The following HPSE2 variants were observed in gnomAD, a reference collection of about 807,000 sequenced individuals.
The protein encoded by HPSE2 is inactive heparanase-2.
A neutral mutation model predicts 60.5 loss-of-function variants in HPSE2; 38 were observed. The observed-to-expected ratio is 0.63, with a 90% CI of 0.48 to 0.82. The LOEUF is 0.82. Ranked by LOEUF, HPSE2 falls within the 40% of genes least tolerant of loss-of-function variation. The probability of loss-of-function intolerance (pLI) is 0.00; values close to 1 mark genes in which losing one functional copy is unlikely to be tolerated. For missense variants in HPSE2, 713 were observed against 740.4 expected, an observed-to-expected ratio of 0.96 and a Z score of 0.43; for synonymous variants, 295 against 293.2, an observed-to-expected ratio of 1.01 and a Z score of -0.06.
intron 3 of HPSE2, among the ~76,000 whole-genome samples, chr10:99,125,425 G>A (rs1845124836): frequency 6.6e-6 from 1 of 152,156 alleles, no homozygotes; most frequent in Middle Eastern, 3.2e-3. Flanking sequence ...TATAATATTA[G>A]GAAGCTGAGA....
At chr10:98,810,000 AT>A (rs1951132349) in intron 3 of HPSE2, among the ~76,000 whole-genome samples, 1 of 152,060 alleles carries the variant, frequency 6.6e-6, no homozygotes, top group Non-Finnish European at 1.5e-5. Flanking sequence ...CAAATTCATA[AT>A]TTTTTGTAAA....
intron 7 of HPSE2, among the ~76,000 whole-genome samples, chr10:98,627,925 T>C (rs1350739240): frequency 1.3e-5 from 2 of 152,214 alleles, no homozygotes; most frequent in African/African-American, 4.8e-5. Context: ...AAAATGCACA[T>C]GGATAACTCA....
At position 99,189,332 on chromosome 10, in the gene HPSE2, T is replaced by C. The variant is rs1172864484; in HGVS notation, c.448+43016A>G. ...AACAGGCCAAGAAAGCAAAACAATA[T>C]GAGAGTAAGTTTAAATGGAAGATAC... On this transcript the variant is annotated intron_variant, in intron 2 of 11. Transcript: ENST00000370552. Among the ~76,000 whole-genome samples, 3 of 152,106 alleles carry C rather than the reference T, an allele frequency of 2.0e-5. No homozygotes were observed. The East Asian group carries it at 5.8e-4, about 29-fold the overall frequency.
At chr10:98,864,212 C>T (rs1356178565) in intron 3 of HPSE2, among the ~76,000 whole-genome samples, 1 of 152,122 alleles carries the variant, frequency 6.6e-6, no homozygotes, top group Non-Finnish European at 1.5e-5. Flanking sequence ...AATGGCTAAA[C>T]ATTAGACTAA....
At chr10:98,761,912 T>C (rs1950012486) in intron 3 of HPSE2, among the ~76,000 whole-genome samples, 1 of 152,044 alleles carries the variant, frequency 6.6e-6, no homozygotes. Flanking sequence ...TTTCTAGCCA[T>C]AGAATCAGAA....
intron 6 of HPSE2, among the ~76,000 whole-genome samples, chr10:98,692,747 C>A (rs7920856): frequency 6.6e-6 from 1 of 151,644 alleles, no homozygotes; most frequent in Non-Finnish European, 1.5e-5. Flanking sequence ...CCAGCCTGGG[C>A]GACAGAGCGA....
chr10:98,853,948 C>T (rs989578726), intron 3 of HPSE2, among the ~76,000 whole-genome samples: 11 of 152,272 alleles, frequency 7.2e-5, no homozygotes, highest in Middle Eastern at 3.4e-3. Flanking sequence ...CATCGTCCTT[C>T]TGGTCTTTTT....
At chr10:99,245,496 C>A in the HPSE2 span, among the ~76,000 whole-genome samples, 2 of 152,208 alleles carry the variant, frequency 1.3e-5, no homozygotes, top group Non-Finnish European at 2.9e-5. Context: ...AGGGACCATC[C>A]CCTAAGGGGG....
At chr10:98,675,651 T>C (rs574476) in intron 6 of HPSE2, among the ~76,000 whole-genome samples, 131,474 of 151,908 alleles carry the variant, frequency 0.87, 58,816 homozygotes, top group Non-Finnish European at 0.99. Flanking sequence ...TAACTTAAGC[T>C]CAGGAGGTTG....
chr10:98,610,032 G>A (rs763704929), intron 9 of HPSE2, among the ~76,000 whole-genome samples: 4 of 151,830 alleles, frequency 2.6e-5, no homozygotes, highest in Non-Finnish European at 4.4e-5. Flanking sequence ...TACTAGAGAC[G>A]GGGTTTCACT....
intron 3 of HPSE2, among the ~76,000 whole-genome samples, chr10:98,812,858 C>T (rs1477336539): frequency 2.0e-5 from 3 of 152,134 alleles, no homozygotes; most frequent in Non-Finnish European, 4.4e-5. Flanking sequence ...TAATAAGCTT[C>T]TCCCCTGAAA....
chr10:98,611,823 T>C (rs1227564579), intron 9 of HPSE2, among the ~76,000 whole-genome samples: 2 of 152,238 alleles, frequency 1.3e-5, no homozygotes, highest in Non-Finnish European at 2.9e-5. Context: ...ATACAGTTTC[T>C]TTATTACAGC....
intron 6 of HPSE2, among the ~76,000 whole-genome samples, chr10:98,685,574 C>T (rs1947893746): frequency 6.6e-6 from 1 of 152,158 alleles, no homozygotes; most frequent in Admixed American, 6.6e-5. Context: ...TGGCACATAT[C>T]ATTAGTTTAT....
chr10:98,618,964 C>T (rs1945998023), intron 8 of HPSE2, among the ~76,000 whole-genome samples: 2 of 152,290 alleles, frequency 1.3e-5, no homozygotes, highest in South Asian at 4.1e-4. Flanking sequence ...CGCTTGCTGA[C>T]ATTGTCTGTG....
intron 9 of HPSE2, among the ~76,000 whole-genome samples, chr10:98,500,767 T>C (rs1942002510): frequency 6.6e-6 from 1 of 152,064 alleles, no homozygotes; most frequent in East Asian, 1.9e-4. Context: ...ATAAAATTGA[T>C]AGACCATTAG....
intron 3 of HPSE2, among the ~76,000 whole-genome samples, chr10:98,772,900 G>A (rs1950269628): frequency 1.3e-5 from 2 of 152,186 alleles, no homozygotes; most frequent in African/African-American, 4.8e-5. Flanking sequence ...TAGACTGAAG[G>A]TTTCTAGGAA....
At chr10:99,109,537 T>C (rs1844378644) in intron 3 of HPSE2, among the ~76,000 whole-genome samples, 1 of 152,128 alleles carries the variant, frequency 6.6e-6, no homozygotes, top group Non-Finnish European at 1.5e-5. Flanking sequence ...AAAGGAATGA[T>C]AATGCTAACC....
At chr10:98,579,360 T>C (rs1944728889) in intron 9 of HPSE2, among the ~76,000 whole-genome samples, 1 of 152,206 alleles carries the variant, frequency 6.6e-6, no homozygotes, top group Admixed American at 6.5e-5. Flanking sequence ...GAAACAGTCC[T>C]ATGGCCAGAC....
At chr10:99,183,961 C>T (rs1847875149) in intron 2 of HPSE2, among the ~76,000 whole-genome samples, 1 of 152,006 alleles carries the variant, frequency 6.6e-6, no homozygotes, top group Non-Finnish European at 1.5e-5. Flanking sequence ...CTGTTTTTTA[C>T]CACTCTAACA....
Sources: allele counts gnomAD v4.1 joint callset (sites outside exome capture counted in the v4.1 genomes callset), GRCh38; gene constraint gnomAD v4.1.1; transcripts MANE v1.5; gene names NCBI Gene and HGNC (gene_info 2026-07-23, HGNC 2026-07-21).